The following WIF1 variants were observed in gnomAD, a reference collection of about 807,000 sequenced individuals.
WIF1 encodes the protein Wnt inhibitory factor 1.
A neutral mutation model predicts 53.5 loss-of-function variants in WIF1; 35 were observed. The observed-to-expected ratio is 0.65, with a 90% CI of 0.50 to 0.87. The LOEUF (loss-of-function observed/expected upper bound fraction) is 0.87. Among genes scored for constraint, WIF1 ranks in the 40% least tolerant of loss-of-function variants. The pLI is 0.00. For synonymous variants in WIF1, 171 were observed against 170.4 expected (o/e 1.00, Z -0.03); for missense variants, 467 against 476.8 (o/e 0.98, Z 0.19).
intron 6 of WIF1, among the ~76,000 whole-genome samples, 197 bp downstream of exon 6, chr12:65,066,444 G>A (rs567953138): frequency 2.0e-5 from 3 of 152,134 alleles, no homozygotes; most frequent in Admixed American, 1.3e-4. Flanking sequence ...AAATGCACTG[G>A]AGCATTCTGT....
Position 65,094,302 on chromosome 12 carries a change from T to C in WIF1, c.289-16448A>G, listed in dbSNP as rs573313293. Among the ~76,000 whole-genome samples, 6 of 152,328 alleles carry C rather than the reference T, an allele frequency of 3.9e-5. No individual in the cohort carries two copies. The East Asian group carries it at 1.2e-3, about 29-fold the overall frequency. ...TACCTAATTGCATGGCTTGTGTACTTTGAAAAATATATCGGGGGGAAAATA... is the reference window on the plus strand; with the variant it reads ...TACCTAATTGCATGGCTTGTGTACTCTGAAAAATATATCGGGGGGAAAATA... On this transcript the variant is annotated intron_variant, in intron 2 of 9. Transcript: ENST00000286574.
chr12:65,076,655 G>GT (rs1277924200), intron 3 of WIF1, among the ~76,000 whole-genome samples: 1 of 152,090 alleles, frequency 6.6e-6, no homozygotes, highest in Non-Finnish European at 1.5e-5. Context: ...GGGCCCTGGG[G>GT]TGGAGCCACA....
chr12:65,054,168 C>T (rs1882489261), intron 9 of WIF1: 1 of 149,714 alleles, frequency 6.7e-6, no homozygotes, highest in Non-Finnish European at 1.5e-5. Flanking sequence ...GCCTCAGCCT[C>T]CCAAGTAGCT....
chr12:65,065,211 G>A (rs1427454709), intron 6 of WIF1, among the ~76,000 whole-genome samples: 1 of 152,092 alleles, frequency 6.6e-6, no homozygotes, highest in Non-Finnish European at 1.5e-5. Flanking sequence ...ATAGCTCAGG[G>A]GTGAGGGACA....
chr12:65,078,200 T>A (rs1882894221), intron 2 of WIF1, among the ~76,000 whole-genome samples: 1 of 152,114 alleles, frequency 6.6e-6, no homozygotes. Flanking sequence ...TGCCTCAGCC[T>A]CCTGAGTAGC....
intron 7 of WIF1, among the ~76,000 whole-genome samples, chr12:65,059,194 G>C (rs1424194519): frequency 6.6e-6 from 1 of 152,046 alleles, no homozygotes; most frequent in Non-Finnish European, 1.5e-5. Flanking sequence ...ACAAAATAAA[G>C]ACATTAAATT....
intron 2 of WIF1, among the ~76,000 whole-genome samples, chr12:65,084,441 C>T (rs796762525): frequency 2.6e-5 from 4 of 152,286 alleles, no homozygotes; most frequent in African/African-American, 9.6e-5. Context: ...AGCTCACTGG[C>T]CCGAGGTGAT....
At chr12:65,093,437 T>C (rs896651963) in intron 2 of WIF1, among the ~76,000 whole-genome samples, 1 of 152,196 alleles carries the variant, frequency 6.6e-6, no homozygotes, top group African/African-American at 2.4e-5. Flanking sequence ...TGAGCCCTCC[T>C]TCATTACTTT....
chr12:65,053,121 TA>T (rs1458124797), intron 9 of WIF1, among the ~76,000 whole-genome samples: 4 of 152,212 alleles, frequency 2.6e-5, no homozygotes, highest in African/African-American at 7.2e-5. Context: ...GAGTCTCCTA[TA>T]GGTCTTTTAG....
intron 9 of WIF1, among the ~76,000 whole-genome samples, chr12:65,052,873 G>A (rs566713010): frequency 2.0e-4 from 30 of 152,196 alleles, no homozygotes; most frequent in African/African-American, 6.7e-4. Flanking sequence ...AGAATGGCTG[G>A]GTGCATCAGA....
rs1446294496 is a variant in WIF1, at chr12:65,051,469, C to A, written c.1020G>T (p.Arg340Ser). ...EGWHGRHCNK[R>S]YEASLIHALR... ...GGGCATGTATGAGGCTGGCTTCGTA[C>A]CCTGCAAAATTATTCACAGCTTAAA... Residue 340 changes from arginine to serine, a missense_variant and splice_region_variant, in exon 10 of 10, where the codon AGG becomes AGT. Coordinates refer to ENST00000286574, the MANE Select transcript of WIF1 (RefSeq NM_007191.5). The A allele has an allele frequency of 1.3e-6, 2 of 1,591,496 alleles. No individual in the cohort carries two copies. Among genetic ancestry groups the A allele is most frequent in the South Asian group, 1.1e-5 (1 of 87,340 alleles).
intron 1 of WIF1, 39 bp downstream of exon 1, chr12:65,121,005 G>A (rs976208883): frequency 7.0e-7 from 1 of 1,425,540 alleles, no homozygotes; most frequent in Admixed American, 2.8e-5. Context: ...GAGAGAGGAG[G>A]ACATAGGCAG....
In WIF1 at chr12:65,120,456, A is replaced by T; in HGVS notation, c.249T>A (p.Asn83Lys). 1.2e-6 allele frequency: 2 copies of T among 1,613,878 alleles called. No homozygotes were observed. The highest frequency in any genetic ancestry group is 8.5e-7 in the Non-Finnish European group (1 of 1,179,970). ...GCCAGGTAAAATTCATGGAATGGAT[A>T]TTGACAGGAATAGCTGGCATTCTCT... Reference protein sequence around the residue: ...AQQRMPAIPVNIHSMNFTWQA... With the variant: ...AQQRMPAIPVKIHSMNFTWQA... The change falls in exon 2 of 10, where the codon AAT (asparagine) becomes AAA (lysine). Residue 83 changes from asparagine (N) to lysine (K), a missense_variant. Transcript: ENST00000286574.
chr12:65,092,945 C>G (rs868547065), intron 2 of WIF1, among the ~76,000 whole-genome samples: 13 of 152,240 alleles, frequency 8.5e-5, no homozygotes, highest in South Asian at 8.3e-4. Flanking sequence ...TCCATGACCC[C>G]TCTCCTGGAG....
intron 2 of WIF1, chr12:65,095,865 A>C (rs947185738): frequency 1.3e-5 from 2 of 152,234 alleles, no homozygotes; most frequent in Non-Finnish European, 2.9e-5. Flanking sequence ...TCAAAACTTA[A>C]TTCAAGATGG....
chr12:65,102,728 G>A (rs1335180986), intron 2 of WIF1, among the ~76,000 whole-genome samples: 2 of 152,108 alleles, frequency 1.3e-5, no homozygotes, highest in Non-Finnish European at 2.9e-5. Flanking sequence ...ATTTATGGAG[G>A]CACTCATTCC....
chr12:65,112,650 C>T (rs1592405531), intron 2 of WIF1, among the ~76,000 whole-genome samples: 2 of 152,302 alleles, frequency 1.3e-5, no homozygotes, highest in East Asian at 3.9e-4. Flanking sequence ...CTATCTTCTA[C>T]TTCTTTTCCC....
At chr12:65,055,073 TTTTA>T in intron 9 of WIF1, 41 bp downstream of exon 9, 4 of 1,599,190 alleles carry the variant, frequency 2.5e-6, no homozygotes, top group Non-Finnish European at 3.4e-6. Flanking sequence ...TCACTTTTAT[TTTTA>T]TTTTTTTCCT....
At chr12:65,094,245 G>C (rs553617976) in intron 2 of WIF1, among the ~76,000 whole-genome samples, 1 of 152,240 alleles carries the variant, frequency 6.6e-6, no homozygotes, top group East Asian at 1.9e-4. Context: ...ACTCATTTGC[G>C]GAAAGCAATT....
Sources: gnomAD v4.1 joint callset for allele counts (sites outside exome capture counted in the v4.1 genomes callset) on GRCh38, gnomAD v4.1.1 for gene constraint, MANE v1.5 for transcripts, NCBI Gene and HGNC (gene_info 2026-07-23, HGNC 2026-07-21) for gene names.